The following MARCHF10 variants were observed in gnomAD, a reference collection of about 807,000 sequenced individuals.
The protein encoded by MARCHF10 is probable E3 ubiquitin-protein ligase MARCHF10.
A neutral mutation model predicts 76.2 loss-of-function variants in MARCHF10; 64 were observed. That is an observed-to-expected ratio of 0.84 (90% CI 0.69 to 1.03). The LOEUF (loss-of-function observed/expected upper bound fraction) is 1.03, where lower values mean the gene tolerates loss of function less well. MARCHF10 is among the 50% of genes least tolerant of loss of function. The pLI is 0.00. For missense variants in MARCHF10, 875 were observed against 958.0 expected (o/e 0.91, Z 1.14); for synonymous variants, 340 against 357.5 (o/e 0.95, Z 0.55).
intron 4 of MARCHF10, among the ~76,000 whole-genome samples, chr17:62,759,296 A>G (rs532758354): frequency 1.3e-5 from 2 of 152,328 alleles, no homozygotes; most frequent in East Asian, 3.9e-4. Context: ...AGCCACACAA[A>G]TGACTGGGCA....
At chr17:62,762,114 C>T (rs535750696) in intron 3 of MARCHF10, among the ~76,000 whole-genome samples, 11 of 152,122 alleles carry the variant, frequency 7.2e-5, no homozygotes, top group Non-Finnish European at 1.2e-4. Context: ...CAGCCAGGGC[C>T]GGAATTCTTG....
chr17:62,793,676 T>C, intron 2 of MARCHF10, among the ~76,000 whole-genome samples: 2 of 101,424 alleles, frequency 2.0e-5, no homozygotes, highest in Admixed American at 1.0e-4. Flanking sequence ...CACCACCACC[T>C]CCATCACCAC....
intron 10 of MARCHF10, among the ~76,000 whole-genome samples, chr17:62,702,507 A>G (rs184621805): frequency 1.3e-3 from 197 of 152,110 alleles, no homozygotes; most frequent in African/African-American, 4.5e-3. Context: ...TCTACTTAAA[A>G]TACAAAAAAT....
At chr17:62,739,298 T>C (rs1000693904) in intron 5 of MARCHF10, among the ~76,000 whole-genome samples, 6 of 151,706 alleles carry the variant, frequency 4.0e-5, no homozygotes, top group African/African-American at 1.5e-4. Flanking sequence ...GACTCTGTCT[T>C]AAAAATAAAT....
chr17:62,806,847 C>A (rs2093172254), intron 1 of MARCHF10, among the ~76,000 whole-genome samples: 1 of 152,094 alleles, frequency 6.6e-6, no homozygotes, highest in Non-Finnish European at 1.5e-5. Context: ...GTTTTATGAC[C>A]ACATTTGTCA....
intron 3 of MARCHF10, among the ~76,000 whole-genome samples, chr17:62,784,915 G>T (rs1277824763): frequency 6.6e-6 from 1 of 152,148 alleles, no homozygotes; most frequent in Non-Finnish European, 1.5e-5. Flanking sequence ...CTCATGGATA[G>T]GAAGAATCAA....
intron 6 of MARCHF10, among the ~76,000 whole-genome samples, chr17:62,727,260 C>T (rs990594047): frequency 6.6e-6 from 1 of 152,012 alleles, no homozygotes; most frequent in African/African-American, 2.4e-5. Context: ...CACTGGCTAC[C>T]CTACTTTGCA....
At chr17:62,727,376 T>C (rs2090810402) in intron 6 of MARCHF10, among the ~76,000 whole-genome samples, 1 of 152,100 alleles carries the variant, frequency 6.6e-6, no homozygotes, top group Non-Finnish European at 1.5e-5. Flanking sequence ...TGCTTGTTAA[T>C]AGTTGAGTCT....
chr17:62,701,463 G>A lies in MARCHF10; in HGVS notation c.*240C>T, dbSNP rs552628032. 4.6e-5 allele frequency: 43 copies of A among 933,518 alleles called. No individual in the cohort carries two copies. In the African/African-American group the frequency reaches 6.8e-4, roughly 15 times the overall value. The allele number at this position is 933,518 out of a possible 1,614,324, so 57.8% of individuals were successfully genotyped here. A position where few individuals can be genotyped will look rare whatever the true frequency, so the allele number is the denominator to read the frequency against. ...TAAGGGGGCAGCACCAGGCCAGCCT[G>A]CCAGGGGCTCCACAGTCCCACGCTG... is the stretch of plus-strand genomic sequence containing the variant. On this transcript the variant is annotated 3_prime_UTR_variant, in exon 11 of 11. Transcript: ENST00000311269.
Position 62,712,852 on chromosome 17 carries a change from C to A in MARCHF10, c.2215-1508G>T, listed in dbSNP as rs932854672. Among the ~76,000 whole-genome samples the A allele has an allele frequency of 1.3e-5, 2 of 152,190 alleles. No individual in the cohort carries two copies. Among genetic ancestry groups the A allele is most frequent in the South Asian group, 2.1e-4 (1 of 4,830 alleles). ...CTCCACCTCCCAGGTTCAAGCAATT[C>A]TCCTGCCTCAGCCTCCTGAGTAGCT... On this transcript the variant is annotated intron_variant, in intron 8 of 10. Coordinates refer to ENST00000311269, the MANE Select transcript of MARCHF10 (RefSeq NM_152598.4). This position sits in a 1 kb window ranked among gnomAD's most constrained non-coding sequence, Gnocchi z 4.2.
At chr17:62,764,987 G>A (rs986307040) in intron 3 of MARCHF10, among the ~76,000 whole-genome samples, 2 of 152,152 alleles carry the variant, frequency 1.3e-5, no homozygotes, top group Admixed American at 1.3e-4. Flanking sequence ...ATCTGAAGAC[G>A]TGGCTGCCAG....
chr17:62,770,130 T>C (rs2092414912), intron 3 of MARCHF10, among the ~76,000 whole-genome samples: 1 of 152,240 alleles, frequency 6.6e-6, no homozygotes, highest in South Asian at 2.1e-4. Flanking sequence ...TTTGGGTTTT[T>C]GTTCCTGCGT....
chr17:62,757,678 C>T (rs577506484), intron 4 of MARCHF10, among the ~76,000 whole-genome samples: 55 of 152,324 alleles, frequency 3.6e-4, no homozygotes, highest in African/African-American at 1.3e-3. Context: ...GACAGCCAGG[C>T]CACAGCCCTG....
In MARCHF10 at chr17:62,737,083, C is replaced by A; in HGVS notation, c.785G>T (p.Gly262Val). 1 of 1,614,078 alleles carries A rather than the reference C, an allele frequency of 6.2e-7. No homozygotes were observed. Among genetic ancestry groups the A allele is most frequent in the Non-Finnish European group, 8.5e-7 (1 of 1,180,034 alleles). Reference protein sequence around the residue: ...SGPPLTPTTVGGPRKASFRFR... With the variant: ...SGPPLTPTTVVGPRKASFRFR... ...CCTAAATGATGCCTTTCTTGGCCCTCCTACAGTGGTGGGTGTGAGTGGTGG... is the reference window on the plus strand; with the variant it reads ...CCTAAATGATGCCTTTCTTGGCCCTACTACAGTGGTGGGTGTGAGTGGTGG... The change falls in exon 6 of 11, where the codon GGA becomes GTA. Residue 262 changes from glycine (G) to valine (V), a missense_variant. Physicochemically the swap from Gly to Val is moderately radical, Grantham distance 109 (BLOSUM62 -3). Transcript: ENST00000311269.
At position 62,744,252 on chromosome 17, in the gene MARCHF10, A is replaced by G. The variant is rs2091620953; in HGVS notation, c.535+124T>C. 32 of 1,064,182 alleles carry G rather than the reference A, an allele frequency of 3.0e-5. No individual in the cohort carries two copies. The South Asian group carries it at 4.9e-4, about 16-fold the overall frequency. 65.9% of individuals were successfully genotyped at this position (1,064,182 alleles called of 1,614,324 possible). A position where few individuals can be genotyped will look rare whatever the true frequency, so the allele number is the denominator to read the frequency against. On this transcript the variant is annotated intron_variant, in intron 5 of 10. Transcript: ENST00000311269. ...TTTGCTTTTAAAGCTGTTTCATTTT[A>G]AGGTACATGCACCTCATTTACTTAA...
rs906422527 is a variant in MARCHF10, at chr17:62,775,414, G to A, written c.210+13066C>T. 9.9e-5 allele frequency among the ~76,000 whole-genome samples: 15 copies of A among 151,682 alleles called. No homozygotes were observed. In the South Asian group the frequency reaches 1.3e-3, roughly 13 times the overall value. On this transcript the variant is annotated intron_variant, in intron 3 of 10. Transcript: ENST00000311269. ...GTGCTGGGATTACAGGCATGAGCCCGGCCCCCATAGTCTTTTTATTATGCT... is the reference window on the plus strand; with the variant it reads ...GTGCTGGGATTACAGGCATGAGCCCAGCCCCCATAGTCTTTTTATTATGCT...
chr17:62,703,408 G>A (rs1217807915), intron 10 of MARCHF10: 1 of 152,358 alleles, frequency 6.6e-6, no homozygotes, highest in Non-Finnish European at 1.5e-5. Flanking sequence ...GAGGCTGGGT[G>A]CCCATGGCTC....
chr17:62,762,129 G>C (rs550724404), intron 3 of MARCHF10, among the ~76,000 whole-genome samples: 38 of 152,268 alleles, frequency 2.5e-4, no homozygotes, highest in Non-Finnish European at 5.0e-4. Context: ...TTCTTGGCTT[G>C]CCCCAGGCTG....
intron 7 of MARCHF10, among the ~76,000 whole-genome samples, chr17:62,723,259 C>G (rs1383804402): frequency 6.7e-6 from 1 of 149,520 alleles, no homozygotes; most frequent in Non-Finnish European, 1.5e-5. Flanking sequence ...TATCCTATTC[C>G]CCAATGCAAA....
Sources: gnomAD v4.1 joint callset for allele counts (sites outside exome capture counted in the v4.1 genomes callset) on GRCh38, gnomAD v4.1.1 for gene constraint, Gnocchi (gnomAD v3.1) non-coding constraint, MANE v1.5 for transcripts, NCBI Gene and HGNC (gene_info 2026-07-23, HGNC 2026-07-21) for gene names.